The following MTUS1 variants were observed in gnomAD, a reference collection of about 807,000 sequenced individuals.
MTUS1 encodes the protein microtubule-associated tumor suppressor 1.
Under a neutral mutation model 120.8 loss-of-function variants are expected in MTUS1, and 109 were observed. The ratio of observed to expected loss-of-function variants is 0.90; its 90% confidence interval spans 0.77 to 1.06. The LOEUF (loss-of-function observed/expected upper bound fraction) is 1.06, where lower values mean the gene tolerates loss of function less well. MTUS1 is among the 50% of genes least tolerant of loss of function. The pLI is 0.00. For synonymous variants in MTUS1, 737 were observed against 550.5 expected (o/e 1.34, Z -4.74); for missense variants, 2,210 against 1,486.3 (o/e 1.49, Z -8.01).
intron 6 of MTUS1, among the ~76,000 whole-genome samples, chr8:17,692,518 A>G (rs888010877): frequency 2.6e-5 from 4 of 152,202 alleles, no homozygotes; most frequent in African/African-American, 9.7e-5. Context: ...AAAAGAGTCA[A>G]AAGTGAATAC....
intron 8 of MTUS1, among the ~76,000 whole-genome samples, chr8:17,658,785 C>T (rs577893897): frequency 6.6e-6 from 1 of 152,294 alleles, no homozygotes; most frequent in East Asian, 1.9e-4. Context: ...ATGGTGTCAA[C>T]TTGTTATCTC....
At chr8:17,681,682 C>A (rs932110812) in intron 7 of MTUS1, 1 of 154,718 alleles carries the variant, frequency 6.5e-6, no homozygotes, top group African/African-American at 2.4e-5. Context: ...TGCTTCTCCT[C>A]CATCTCTTTA....
intron 6 of MTUS1, chr8:17,704,173 A>T (rs402004): frequency 0.54 from 82,670 of 151,994 alleles, 22,725 homozygotes; most frequent in Middle Eastern, 0.64. Flanking sequence ...TCCTGATTTC[A>T]ATTATTTTGG....
In MTUS1 at chr8:17,754,746, C is replaced by T; in HGVS notation, c.1062G>A (p.Val354=). The T allele has an allele frequency of 6.2e-7, 1 of 1,614,222 alleles. No homozygotes were observed. Among genetic ancestry groups the T allele is most frequent in the South Asian group, 1.1e-5 (1 of 91,086 alleles). ...GAGCTTCGCTCTTATCAAAAGCTGG[C>T]ACCATTAAAGGGCATTCATCATCAA... ...CLIDDECPLM[V]PAFDKSEAQV... Residue 354 remains valine (V), a synonymous_variant, in exon 2 of 15, where the codon GTG becomes GTA. Coordinates refer to ENST00000693296, the MANE Select transcript of MTUS1 (RefSeq NM_001363059.2).
intron 7 of MTUS1, chr8:17,681,714 C>T (rs1563192874): frequency 1.3e-5 from 2 of 154,652 alleles, no homozygotes. Context: ...AGCATCTGGG[C>T]ATGATAATAA....
At chr8:17,705,882 C>A (rs1339201259) in intron 6 of MTUS1, 3 of 152,212 alleles carry the variant, frequency 2.0e-5, no homozygotes, top group African/African-American at 7.2e-5. Flanking sequence ...GCTCTGATGC[C>A]TCTGGTATGC....
intron 2 of MTUS1, 142 bp downstream of exon 2, chr8:17,753,575 A>T: frequency 5.0e-6 from 3 of 604,422 alleles, no homozygotes; most frequent in Non-Finnish European, 8.4e-6. Context: ...CAGTACTGAC[A>T]AGACAATGAA....
chr8:17,645,038 C>T lies in MTUS1; in HGVS notation c.*888G>A, dbSNP rs1805514093. On this transcript the variant is annotated 3_prime_UTR_variant, in exon 15 of 15. Transcript: ENST00000693296. ...AGGTGGAAAAACCCATTGGTACTTC[C>T]CTTTTTCTTTCTTTACACAGTTAGT... 2 of 132,830 alleles carry T rather than the reference C, an allele frequency of 1.5e-5. No individual in the cohort carries two copies. The highest frequency in any genetic ancestry group is 2.9e-5 in the African/African-American group (1 of 34,488). 8.2% of individuals were successfully genotyped at this position (132,830 alleles called of 1,614,324 possible). A position where few individuals can be genotyped will look rare whatever the true frequency, so the allele number is the denominator to read the frequency against.
chr8:17,717,782 A>G (rs1822625592), intron 4 of MTUS1, among the ~76,000 whole-genome samples: 1 of 152,134 alleles, frequency 6.6e-6, no homozygotes, highest in Admixed American at 6.6e-5. Context: ...GGTGTGCTGG[A>G]AATCAGCTGT....
Position 17,753,834 on chromosome 8 carries a change from G to T in MTUS1, c.1974C>A (p.Asn658Lys). ...AECLEMTYVPNIDRISPEKKG... is the reference protein window; with the variant it reads ...AECLEMTYVPKIDRISPEKKG... ...TCTTTTCAGGGCTAATCCTATCAAT[G>T]TTGGGAACATAGGTCATTTCCAAAC... Residue 658 changes from asparagine (N) to lysine (K), a missense_variant, in exon 2 of 15, where the codon AAC becomes AAA. Physicochemically the swap from Asn to Lys is moderately conservative, Grantham distance 94. Transcript: ENST00000693296. The T allele has an allele frequency of 1.9e-6, 3 of 1,614,014 alleles. No homozygotes were observed. In the South Asian group the frequency reaches 3.3e-5, roughly 18 times the overall value.
chr8:17,695,828 A>G (rs1015157955), intron 6 of MTUS1, among the ~76,000 whole-genome samples: 1 of 152,216 alleles, frequency 6.6e-6, no homozygotes, highest in Non-Finnish European at 1.5e-5. Context: ...AGACCTGCAT[A>G]GATTTACATG....
intron 1 of MTUS1, among the ~76,000 whole-genome samples, chr8:17,780,488 C>T (rs1349898691): frequency 6.6e-6 from 1 of 152,202 alleles, no homozygotes; most frequent in African/African-American, 2.4e-5. Flanking sequence ...CCTTCTTGTC[C>T]TAGTGTTCCT....
intron 6 of MTUS1, among the ~76,000 whole-genome samples, chr8:17,709,451 T>C (rs927080996): frequency 1.3e-5 from 2 of 152,094 alleles, no homozygotes; most frequent in African/African-American, 4.8e-5. Flanking sequence ...TTTTTAACTA[T>C]CCTATTAGCT....
chr8:17,653,359 A>T, intron 11 of MTUS1, 66 bp downstream of exon 11: 1 of 1,532,652 alleles, frequency 6.5e-7, no homozygotes, highest in East Asian at 2.3e-5. Flanking sequence ...GAAACATTAA[A>T]ACCAAACAAA....
rs529851541 is a variant in MTUS1 at position 17,697,759 on chromosome 8, A to G, written c.2624-13217T>C. 2,720 of 986,112 alleles carry G rather than the reference A, an allele frequency of 2.8e-3. 12 individuals are homozygous for G. Among genetic ancestry groups the G allele is most frequent in the Middle Eastern group, 0.013 (24 of 1,916 alleles). The allele number at this position is 986,112 out of a possible 1,614,324, so 61.1% of individuals were successfully genotyped here. ...TCTCAGGAGCTTTACAGAACAACCA[A>G]TAATGTCACAGATCCTGTAACCACT... On this transcript the variant is annotated intron_variant, in intron 6 of 14. Coordinates refer to ENST00000693296, the MANE Select transcript of MTUS1 (RefSeq NM_001363059.2).
At chr8:17,740,077 G>A (rs2047198218) in intron 3 of MTUS1, among the ~76,000 whole-genome samples, 1 of 151,978 alleles carries the variant, frequency 6.6e-6, no homozygotes, top group Non-Finnish European at 1.5e-5. Context: ...CGTGGTGGTG[G>A]GTGCCTGTAA....
At chr8:17,696,153 C>A (rs1817896933) in intron 6 of MTUS1, among the ~76,000 whole-genome samples, 2 of 152,100 alleles carry the variant, frequency 1.3e-5, no homozygotes, top group Admixed American at 1.3e-4. Flanking sequence ...CCACTGCTGA[C>A]CTCCTCCTCG....
rs1337572125 is a variant in MTUS1, at chr8:17,753,819, G to T, written c.1989C>A (p.Ser663Arg). 2.5e-6 allele frequency: 4 copies of T among 1,613,876 alleles called. No individual in the cohort carries two copies. Among genetic ancestry groups the T allele is most frequent in the South Asian group, 2.2e-5 (2 of 91,064 alleles). ...MTYVPNIDRI[S>R]PEKKGEKENG... ...TTTCTTTTTCACCCTTCTTTTCAGG[G>T]CTAATCCTATCAATGTTGGGAACAT... is the stretch of plus-strand genomic sequence containing the variant. The change falls in exon 2 of 15, where the codon AGC becomes AGA. Residue 663 changes from serine to arginine, a missense_variant. By Grantham distance (110) the Ser-to-Arg change is moderately radical. Transcript: ENST00000693296.
chr8:17,653,380 A>T (rs139704300), intron 11 of MTUS1, 45 bp downstream of exon 11: 1 of 1,542,422 alleles, frequency 6.5e-7, no homozygotes, highest in South Asian at 1.2e-5. Context: ...ATCAAAAATG[A>T]TATTTTTTTT....
Sources: gnomAD v4.1 joint callset for allele counts (sites outside exome capture counted in the v4.1 genomes callset) on GRCh38, gnomAD v4.1.1 for gene constraint, MANE v1.5 for transcripts, NCBI Gene and HGNC (gene_info 2026-07-23, HGNC 2026-07-21) for gene names.